Variants in PAK1 observed in about 807,000 individuals in gnomAD.
PAK1 encodes p21 (RAC1) activated kinase 1.
A neutral mutation model predicts 67.4 loss-of-function variants in PAK1; 29 were observed. That is an observed-to-expected ratio of 0.43 (90% CI 0.32 to 0.59). PAK1 has a LOEUF of 0.59. PAK1 is among the 20% of genes least tolerant of loss of function. The probability of loss-of-function intolerance (pLI) is 0.07; values close to 1 mark genes in which losing one functional copy is unlikely to be tolerated. For missense variants in PAK1, 337 were observed against 670.7 expected (o/e 0.50, Z 5.50); for synonymous variants, 223 against 237.4 (o/e 0.94, Z 0.56).
the PAK1 span, among the ~76,000 whole-genome samples, chr11:77,508,804 C>T: frequency 7.5e-4 from 114 of 151,220 alleles, no homozygotes; most frequent in Middle Eastern, 0.014. Context: ...GGACTACAGG[C>T]GCCCACCACC....
intron 2 of PAK1, among the ~76,000 whole-genome samples, chr11:77,382,618 CA>C (rs1949978550): frequency 1.3e-5 from 2 of 152,204 alleles, no homozygotes; most frequent in South Asian, 2.1e-4. Context: ...TCTTGAGGAC[CA>C]AAATTACCAC....
At chr11:77,451,841 C>A (rs993592952) in intron 1 of PAK1, among the ~76,000 whole-genome samples, 1 of 142,698 alleles carries the variant, frequency 7.0e-6, no homozygotes, top group African/African-American at 2.8e-5. Flanking sequence ...TCAGGTGATC[C>A]GCCTGCCTCG....
chr11:77,385,966 A>G (rs1950400837), intron 2 of PAK1, among the ~76,000 whole-genome samples: 1 of 152,230 alleles, frequency 6.6e-6, no homozygotes, highest in Non-Finnish European at 1.5e-5. Flanking sequence ...TTCTCAGCCC[A>G]TTCATTAAGA....
At position 77,322,162 on chromosome 11, in the gene PAK1, A is replaced by C; in HGVS notation, c.*1112T>G. ...GGTCCTACCATAGTGGGAGAACCAAAACCACAAAAATAGCAGGAGGTAGCA... is the reference window on the plus strand; with the variant it reads ...GGTCCTACCATAGTGGGAGAACCAACACCACAAAAATAGCAGGAGGTAGCA... On this transcript the variant is annotated 3_prime_UTR_variant, in exon 15 of 15. Coordinates refer to ENST00000356341, the MANE Select transcript of PAK1 (RefSeq NM_002576.5). The C allele has an allele frequency of 4.8e-6, 1 of 210,414 alleles. No individual in the cohort carries two copies. The highest frequency in any genetic ancestry group is 7.0e-5 in the East Asian group (1 of 14,186). The allele number at this position is 210,414 out of a possible 1,614,324, so 13.0% of individuals were successfully genotyped here.
rs1275309846 is a variant in PAK1, at chr11:77,322,551, T to C, written c.*723A>G. 5.6e-5 allele frequency: 11 copies of C among 195,784 alleles called. No individual in the cohort carries two copies. In the Admixed American group the frequency reaches 6.3e-4, roughly 11 times the overall value. The allele number at this position is 195,784 out of a possible 1,614,324, so 12.1% of individuals were successfully genotyped here. On this transcript the variant is annotated 3_prime_UTR_variant, in exon 15 of 15. Coordinates refer to ENST00000356341, the MANE Select transcript of PAK1 (RefSeq NM_002576.5). Reference sequence around the variant, plus strand: ...ATGTGCCCTAGAAAACCTCTCAATGTTATAAACAAGGGACAGGATAGGGGC... The same window carrying C: ...ATGTGCCCTAGAAAACCTCTCAATGCTATAAACAAGGGACAGGATAGGGGC...
chr11:77,488,781 A>G, the PAK1 span, among the ~76,000 whole-genome samples: 1 of 152,166 alleles, frequency 6.6e-6, no homozygotes, highest in Non-Finnish European at 1.5e-5. Context: ...TAAAAAAGGA[A>G]GTATGATTAA....
rs756493654 is a variant in PAK1 at position 77,355,739 on chromosome 11, G to A, written c.701C>T (p.Ala234Val). The A allele has an allele frequency of 1.2e-6, 2 of 1,613,354 alleles. No homozygotes were observed. Among genetic ancestry groups the A allele is most frequent in the Middle Eastern group, 1.7e-4 (1 of 6,056 alleles). The change falls in exon 7 of 15, where the codon GCT (alanine) becomes GTT (valine). Residue 234 changes from alanine (A) to valine (V), a missense_variant. Physicochemically the swap from Ala to Val is moderately conservative, Grantham distance 64. Around this residue, in one of 8 missense-constraint regions of PAK1, gnomAD observed 150 missense variants for 179.0 expected, o/e 0.84. Coordinates refer to ENST00000356341, the MANE Select transcript of PAK1 (RefSeq NM_002576.5). Reference sequence around the variant, plus strand: ...CTGCTTCTCAGTATTCCGGGTCAAAGCATCTGGTGGAGTGGTGTTATTTTC... The same window carrying A: ...CTGCTTCTCAGTATTCCGGGTCAAAACATCTGGTGGAGTGGTGTTATTTTC... ...PTENNTTPPD[A>V]LTRNTEKQKK...
intron 1 of PAK1, among the ~76,000 whole-genome samples, chr11:77,407,188 T>C (rs555140774): frequency 1.3e-5 from 2 of 152,380 alleles, no homozygotes; most frequent in Non-Finnish European, 2.9e-5. Flanking sequence ...GAAGTCAATC[T>C]ACTTTTAAGT....
intron 1 of PAK1, among the ~76,000 whole-genome samples, chr11:77,412,866 C>A (rs1180228741): frequency 4.6e-5 from 7 of 152,204 alleles, no homozygotes; most frequent in Admixed American, 6.5e-5. Context: ...AGGGCTCATA[C>A]AATAAGTATT....
intron 1 of PAK1, among the ~76,000 whole-genome samples, chr11:77,393,285 A>AAGAGAG (rs35216521): frequency 5.6e-5 from 8 of 141,830 alleles, no homozygotes; most frequent in South Asian, 4.5e-4. Flanking sequence ...TAAAAAAAAA[A>AAGAGAG]AGAGAGAGAG....
chr11:77,481,770 C>T, the PAK1 span, among the ~76,000 whole-genome samples: 1 of 151,610 alleles, frequency 6.6e-6, no homozygotes, highest in Non-Finnish European at 1.5e-5. Context: ...TATAGGTGAG[C>T]TTAATCTGTT....
the PAK1 span, among the ~76,000 whole-genome samples, chr11:77,521,905 G>T: frequency 6.6e-6 from 1 of 152,176 alleles, no homozygotes; most frequent in East Asian, 1.9e-4. Flanking sequence ...ACAGGAATAA[G>T]CAGGGTTAGC....
At chr11:77,443,730 G>A (rs767267539) in intron 1 of PAK1, among the ~76,000 whole-genome samples, 24 of 152,158 alleles carry the variant, frequency 1.6e-4, no homozygotes, top group Non-Finnish European at 2.2e-4. Context: ...AAGGGATCTC[G>A]AAGTATCCAA....
upstream of PAK1, among the ~76,000 whole-genome samples, chr11:77,478,867 G>C (rs1347635139): frequency 6.7e-6 from 1 of 148,778 alleles, no homozygotes; most frequent in Non-Finnish European, 1.5e-5. Flanking sequence ...ATGAGGTCAG[G>C]AGATCGAGAC....
At chr11:77,382,218 G>A (rs1425388303) in intron 2 of PAK1, among the ~76,000 whole-genome samples, 7 of 152,152 alleles carry the variant, frequency 4.6e-5, no homozygotes. Flanking sequence ...GACCCAAAAA[G>A]AAAGTTAGCT....
At chr11:77,411,637 T>C (rs1954550572) in intron 1 of PAK1, 1 of 152,250 alleles carries the variant, frequency 6.6e-6, no homozygotes, top group South Asian at 2.1e-4. Flanking sequence ...TTCTCTCATT[T>C]AGGGTCCCTT....
chr11:77,493,272 G>GTTTT, the PAK1 span, among the ~76,000 whole-genome samples: 1 of 92,632 alleles, frequency 1.1e-5, no homozygotes, highest in East Asian at 2.6e-4. Context: ...TCATTTTTTT[G>GTTTT]TTGTTTTTTT....
the PAK1 span, among the ~76,000 whole-genome samples, chr11:77,520,480 T>C: frequency 6.6e-6 from 1 of 152,178 alleles, no homozygotes; most frequent in African/African-American, 2.4e-5. Flanking sequence ...GCCTTTTACC[T>C]GTTTGCACAG....
At chr11:77,486,681 C>G in the PAK1 span, among the ~76,000 whole-genome samples, 3 of 152,176 alleles carry the variant, frequency 2.0e-5, no homozygotes, top group Non-Finnish European at 4.4e-5. Context: ...CTCACTGCCA[C>G]CCTGTCACAG....
Sources: gnomAD v4.1 joint callset for allele counts (sites outside exome capture counted in the v4.1 genomes callset) on GRCh38, gnomAD v4.1.1 for gene constraint, gnomAD v4.1.1 regional missense constraint, MANE v1.5 for transcripts, NCBI Gene and HGNC (gene_info 2026-07-23, HGNC 2026-07-21) for gene names.